Variants in DPP10 observed in about 807,000 individuals in gnomAD.
DPP10 encodes the protein inactive dipeptidyl peptidase 10.
DPP10 carries 33 observed loss-of-function variants against 120.9 expected under a neutral mutation model. The observed-to-expected ratio is 0.27, with a 90% CI of 0.21 to 0.37. The LOEUF (loss-of-function observed/expected upper bound fraction) is 0.37. Ranked by LOEUF, DPP10 falls within the 10% of genes least tolerant of loss-of-function variation. The pLI is 1.00. For missense variants in DPP10, 816 were observed against 942.8 expected (o/e 0.87, Z 1.76); for synonymous variants, 337 against 326.1 (o/e 1.03, Z -0.36).
chr2:114,485,482 G>A (rs930366955), intron 1 of DPP10, among the ~76,000 whole-genome samples: 3 of 150,122 alleles, frequency 2.0e-5, no homozygotes, highest in African/African-American at 7.4e-5. Context: ...TTTTTGCGGG[G>A]AGGGGATCTA....
intron 3 of DPP10, among the ~76,000 whole-genome samples, chr2:115,350,918 T>G (rs972738313): frequency 6.6e-6 from 1 of 152,126 alleles, no homozygotes; most frequent in Non-Finnish European, 1.5e-5. Flanking sequence ...CTATATGGTG[T>G]TGCTGGAAAT....
chr2:115,379,045 A>T (rs1220203840), intron 3 of DPP10, among the ~76,000 whole-genome samples: 1 of 152,166 alleles, frequency 6.6e-6, no homozygotes, highest in Admixed American at 6.5e-5. Flanking sequence ...CGGCTTTGGT[A>T]TCAGGATGAT....
At chr2:114,982,437 T>C (rs79892553) in intron 1 of DPP10, among the ~76,000 whole-genome samples, 2,682 of 152,284 alleles carry the variant, frequency 0.018, 83 homozygotes, top group African/African-American at 0.061. Context: ...TTTCCTGTTA[T>C]ACTAATGCCA....
intron 1 of DPP10, among the ~76,000 whole-genome samples, chr2:115,303,214 G>A (rs772287483): frequency 2.0e-5 from 3 of 151,624 alleles, no homozygotes; most frequent in Non-Finnish European, 4.4e-5. Context: ...TAAAAATTTA[G>A]AATTTTTTTC....
At chr2:115,245,513 CTT>C (rs1423929347) in intron 1 of DPP10, among the ~76,000 whole-genome samples, 1 of 152,082 alleles carries the variant, frequency 6.6e-6, no homozygotes, top group Non-Finnish European at 1.5e-5. Flanking sequence ...AAAGGGAACA[CTT>C]TTACACTGCT....
At chr2:114,747,270 C>T (rs1003593313) in intron 1 of DPP10, among the ~76,000 whole-genome samples, 3 of 152,124 alleles carry the variant, frequency 2.0e-5, no homozygotes, top group African/African-American at 7.2e-5. Context: ...AAACTGTTGT[C>T]CTTCACTATT....
chr2:114,538,103 T>C (rs1389842982), intron 1 of DPP10, among the ~76,000 whole-genome samples: 2 of 152,218 alleles, frequency 1.3e-5, no homozygotes, highest in African/African-American at 4.8e-5. Flanking sequence ...CAGAGATAAA[T>C]TAAGGATTTG....
At chr2:114,956,608 T>C in intron 1 of DPP10, among the ~76,000 whole-genome samples, 1 of 152,094 alleles carries the variant, frequency 6.6e-6, no homozygotes. Context: ...TAAAATTTAT[T>C]TGAAACCATA....
intron 1 of DPP10, among the ~76,000 whole-genome samples, chr2:115,273,301 C>A: frequency 6.6e-6 from 1 of 151,922 alleles, no homozygotes; most frequent in East Asian, 1.9e-4. Flanking sequence ...TTATCTATAC[C>A]GTTTTTTCAG....
chr2:114,942,629 G>A (rs571155172), intron 1 of DPP10, among the ~76,000 whole-genome samples: 1 of 151,250 alleles, frequency 6.6e-6, no homozygotes, highest in Admixed American at 6.6e-5. Flanking sequence ...GTTCCTATAT[G>A]CATTATTATC....
chr2:114,695,175 T>G (rs1408095293), intron 1 of DPP10, among the ~76,000 whole-genome samples: 1 of 152,006 alleles, frequency 6.6e-6, no homozygotes, highest in Non-Finnish European at 1.5e-5. Context: ...AGAGGGCAGT[T>G]AGGCGCTTAT....
intron 3 of DPP10, among the ~76,000 whole-genome samples, chr2:115,423,449 A>T (rs1421529243): frequency 2.6e-5 from 4 of 152,132 alleles, no homozygotes; most frequent in Non-Finnish European, 5.9e-5. Flanking sequence ...GTTTTATATG[A>T]TATGTGTGAA....
intron 1 of DPP10, among the ~76,000 whole-genome samples, chr2:115,059,359 T>TTC (rs1706207273): frequency 6.6e-6 from 1 of 151,152 alleles, no homozygotes; most frequent in Admixed American, 6.6e-5. Flanking sequence ...TTTCTTTTTT[T>TTC]TTTTTTTTTG....
chr2:115,771,086 ATTT>A (rs869107635), intron 13 of DPP10, among the ~76,000 whole-genome samples: 10 of 100,372 alleles, frequency 1.0e-4, no homozygotes, highest in African/African-American at 3.1e-4. Flanking sequence ...TTATTTATTT[ATTT>A]TTTGAGACAG....
chr2:114,879,170 C>T (rs1339362578), intron 1 of DPP10, among the ~76,000 whole-genome samples: 3 of 151,178 alleles, frequency 2.0e-5, no homozygotes, highest in African/African-American at 7.3e-5. Flanking sequence ...CATTTGTCTC[C>T]CTCCCTACTT....
chr2:115,802,877 T>C (rs1324072315), intron 19 of DPP10, among the ~76,000 whole-genome samples: 1 of 152,104 alleles, frequency 6.6e-6, no homozygotes, highest in East Asian at 1.9e-4. Flanking sequence ...GGAATAGGTG[T>C]GGTGTGGTGC....
At chr2:114,561,950 C>T (rs1160075964) in intron 1 of DPP10, among the ~76,000 whole-genome samples, 2 of 152,164 alleles carry the variant, frequency 1.3e-5, no homozygotes, top group Admixed American at 6.5e-5. Context: ...AATTAGGGCA[C>T]AGCAGTCATT....
chr2:114,683,353 T>C (rs1437927120), intron 1 of DPP10, among the ~76,000 whole-genome samples: 3 of 151,884 alleles, frequency 2.0e-5, no homozygotes, highest in Non-Finnish European at 4.4e-5. Context: ...ACAGAAGTGG[T>C]CTTGTCAAAA....
rs761873435 is a variant in DPP10 at position 115,780,953 on chromosome 2, A to G, written c.1441A>G (p.Ser481Gly). 75 of 1,600,864 alleles carry G rather than the reference A, an allele frequency of 4.7e-5. No individual in the cohort carries two copies. Among genetic ancestry groups the G allele is most frequent in the Non-Finnish European group, 5.9e-5 (69 of 1,170,860 alleles). Residue 481 changes from serine to glycine, a missense_variant, in exon 16 of 26, where the codon AGT (serine) becomes GGT (glycine). By Grantham distance (56) the Ser-to-Gly change is moderately conservative. This residue lies in a region of DPP10 where 592 missense variants were observed against 649.0 expected (regional missense o/e 0.91). Transcript: ENST00000410059. ...MKEQCTYFDASFSPMNQHFLL... is the reference protein window; with the variant it reads ...MKEQCTYFDAGFSPMNQHFLL... The stretch of plus-strand genomic sequence containing the variant: ...AGAACAATGTACATATTTTGATGCC[A>G]GTTTTAGTCCCATGAATCAACATTT...
Sources: gnomAD v4.1 joint callset for allele counts (sites outside exome capture counted in the v4.1 genomes callset) on GRCh38, gnomAD v4.1.1 for gene constraint, gnomAD v4.1.1 regional missense constraint, MANE v1.5 for transcripts, NCBI Gene and HGNC (gene_info 2026-07-23, HGNC 2026-07-21) for gene names.